NELL1: variants seen among roughly 807,000 people sequenced by gnomAD.
The protein encoded by NELL1 is neural EGFL like 1, also known as protein kinase C-binding protein NELL1.
Under a neutral mutation model 107.4 loss-of-function variants are expected in NELL1, and 76 were observed. The ratio of observed to expected loss-of-function variants is 0.71; its 90% CI spans 0.59 to 0.86. The LOEUF (loss-of-function observed/expected upper bound fraction) is 0.86. Among genes scored for constraint, NELL1 ranks in the 40% least tolerant of loss-of-function variants. The probability of loss-of-function intolerance (pLI) is 0.00; values close to 1 mark genes in which losing one functional copy is unlikely to be tolerated. For synonymous variants in NELL1, 353 were observed against 341.2 expected (o/e 1.03, Z -0.38); for missense variants, 1,024 against 1,005.5 (o/e 1.02, Z -0.25).
chr11:20,815,593 A>G (rs1857607459), intron 3 of NELL1, among the ~76,000 whole-genome samples: 1 of 152,122 alleles, frequency 6.6e-6, no homozygotes, highest in East Asian at 1.9e-4. Flanking sequence ...ATTTTCTCCC[A>G]TTCTGTAGGT....
In NELL1 at chr11:20,927,402, C is replaced by T; in HGVS notation, c.854C>T (p.Ser285Phe). 6.2e-7 allele frequency: 1 copy of T among 1,612,740 alleles called. No individual in the cohort carries two copies. Among genetic ancestry groups the T allele is most frequent in the East Asian group, 2.2e-5 (1 of 44,826 alleles). The change falls in exon 8 of 20, where the codon TCT (serine) becomes TTT (phenylalanine). Residue 285 changes from serine to phenylalanine, a missense_variant. Ser to Phe is a radical substitution (Grantham distance 155). Coordinates refer to ENST00000357134, the MANE Select transcript of NELL1 (RefSeq NM_006157.5). ...VSGLLYRDQD[S>F]WVDGDHCRNC... ...GGACTGCTCTATCGAGATCAAGACT[C>T]TTGGGTAGATGGTGACCATTGCAGG...
intron 15 of NELL1, among the ~76,000 whole-genome samples, chr11:21,489,375 T>A (rs1345099406): frequency 3.4e-5 from 1 of 29,832 alleles, no homozygotes. Context: ...TTCCTGAAAG[T>A]ATTTCAAAAA....
chr11:21,219,894 T>C (rs774762234), intron 13 of NELL1, among the ~76,000 whole-genome samples: 1 of 152,132 alleles, frequency 6.6e-6, no homozygotes, highest in Non-Finnish European at 1.5e-5. Context: ...ACAGGAAGCA[T>C]GGCTTCAGAA....
In NELL1 at chr11:21,490,532, C is replaced by T. The variant is rs1348623846; in HGVS notation, c.1646-43842C>T. 2.0e-5 allele frequency among the ~76,000 whole-genome samples: 3 copies of T among 147,802 alleles called. No individual in the cohort carries two copies. In the East Asian group the frequency reaches 5.9e-4, roughly 29 times the overall value. ...AAAGAACAAAGCTAGAAGCATCACA[C>T]TACCTAACTTCAAAATATATTACAA... On this transcript the variant is annotated intron_variant, in intron 15 of 19. Coordinates refer to ENST00000357134, the MANE Select transcript of NELL1 (RefSeq NM_006157.5).
intron 15 of NELL1, among the ~76,000 whole-genome samples, chr11:21,382,351 A>G (rs1851634425): frequency 6.6e-6 from 1 of 151,930 alleles, no homozygotes; most frequent in African/African-American, 2.4e-5. Context: ...CTTAACAACT[A>G]TTACATTATT....
intron 2 of NELL1, among the ~76,000 whole-genome samples, chr11:20,701,546 C>A (rs1432537494): frequency 6.6e-6 from 1 of 152,044 alleles, no homozygotes; most frequent in African/African-American, 2.4e-5. Flanking sequence ...GCTTTTGTTG[C>A]CATTGCTTTT....
At chr11:21,565,178 G>T (rs1324712263) in intron 17 of NELL1, among the ~76,000 whole-genome samples, 1 of 151,912 alleles carries the variant, frequency 6.6e-6, no homozygotes, top group Non-Finnish European at 1.5e-5. Context: ...TTGATGGTTG[G>T]AGTTAGCTGT....
chr11:21,351,632 T>C (rs531609428), intron 14 of NELL1, among the ~76,000 whole-genome samples: 1 of 152,248 alleles, frequency 6.6e-6, no homozygotes, highest in South Asian at 2.1e-4. Context: ...ATCTCTACTA[T>C]GTGGTCTACC....
At chr11:20,988,079 A>C (rs868321263) in intron 12 of NELL1, among the ~76,000 whole-genome samples, 7 of 152,198 alleles carry the variant, frequency 4.6e-5, no homozygotes, top group Admixed American at 1.3e-4. Flanking sequence ...CAGAACTTAA[A>C]TATGTTGTGG....
intron 12 of NELL1, among the ~76,000 whole-genome samples, chr11:21,088,203 C>T (rs1320551727): frequency 6.6e-6 from 1 of 151,778 alleles, no homozygotes; most frequent in Non-Finnish European, 1.5e-5. Flanking sequence ...CCATACCCTC[C>T]GGGACATAGA....
intron 3 of NELL1, among the ~76,000 whole-genome samples, chr11:20,794,355 A>T (rs113638420): frequency 0.034 from 5,108 of 152,310 alleles, 276 homozygotes; most frequent in African/African-American, 0.12. Flanking sequence ...TCCAGGTAAT[A>T]ATCTCAAGCA....
intron 12 of NELL1, among the ~76,000 whole-genome samples, chr11:21,052,921 G>A (rs1471551170): frequency 1.3e-5 from 2 of 152,090 alleles, no homozygotes; most frequent in Non-Finnish European, 2.9e-5. Flanking sequence ...TGGGGAATTT[G>A]TAGATAAGGG....
chr11:21,151,030 A>G (rs1856103378), intron 13 of NELL1, among the ~76,000 whole-genome samples: 6 of 152,126 alleles, frequency 3.9e-5, no homozygotes, highest in Admixed American at 3.9e-4. Context: ...CACTATCATG[A>G]AATCAGCAAG....
chr11:20,839,636 T>C (rs1413971330), intron 3 of NELL1, among the ~76,000 whole-genome samples: 1 of 152,212 alleles, frequency 6.6e-6, no homozygotes, highest in Non-Finnish European at 1.5e-5. Context: ...ATGTTTATTT[T>C]CAACTAGATG....
chr11:20,781,575 G>A (rs183062437), intron 2 of NELL1, among the ~76,000 whole-genome samples: 5 of 152,236 alleles, frequency 3.3e-5, no homozygotes, highest in African/African-American at 1.2e-4. Context: ...TTGGGCCCAA[G>A]CTTTACAATC....
intron 13 of NELL1, among the ~76,000 whole-genome samples, chr11:21,154,717 T>C (rs1010594526): frequency 6.6e-6 from 1 of 152,152 alleles, no homozygotes; most frequent in Non-Finnish European, 1.5e-5. Flanking sequence ...AGCTGGATTA[T>C]GTAGGATGAC....
intron 14 of NELL1, among the ~76,000 whole-genome samples, chr11:21,248,605 G>A (rs566892303): frequency 2.3e-4 from 35 of 152,182 alleles, no homozygotes; most frequent in Admixed American, 5.9e-4. Flanking sequence ...AGTAGGTGGT[G>A]AGGAAACAAG....
chr11:21,448,487 A>G (rs1237310769), intron 15 of NELL1, among the ~76,000 whole-genome samples: 1 of 152,234 alleles, frequency 6.6e-6, no homozygotes, highest in East Asian at 1.9e-4. Flanking sequence ...GCTGCATAAT[A>G]TAGATTAAAT....
chr11:20,980,427 G>C (rs554047683), intron 12 of NELL1, among the ~76,000 whole-genome samples: 1 of 152,104 alleles, frequency 6.6e-6, no homozygotes, highest in Admixed American at 6.5e-5. Context: ...AATGTGGTGA[G>C]CTGCAGTTTC....
Sources: allele counts gnomAD v4.1 joint callset (sites outside exome capture counted in the v4.1 genomes callset), GRCh38; gene constraint gnomAD v4.1.1; transcripts MANE v1.5; gene names NCBI Gene and HGNC (gene_info 2026-07-23, HGNC 2026-07-21).